Variants in SYNPO2 observed in about 807,000 individuals in gnomAD.
The protein encoded by SYNPO2 is synaptopodin-2.
A neutral mutation model predicts 85.0 loss-of-function variants in SYNPO2; 56 were observed. The ratio of observed to expected loss-of-function variants is 0.66; its 90% CI spans 0.53 to 0.82. The LOEUF (loss-of-function observed/expected upper bound fraction) is 0.82. SYNPO2 is among the 40% of genes least tolerant of loss of function. The probability of loss-of-function intolerance (pLI) is 0.00; values close to 1 mark genes in which losing one functional copy is unlikely to be tolerated. For missense variants in SYNPO2, 1,575 were observed against 1,534.2 expected, an observed-to-expected ratio of 1.03 and a Z score of -0.44; for synonymous variants, 602 against 591.1, an observed-to-expected ratio of 1.02 and a Z score of -0.27.
chr4:119,056,176 T>C (rs1035197084), intron 4 of SYNPO2, among the ~76,000 whole-genome samples: 5 of 152,190 alleles, frequency 3.3e-5, no homozygotes, highest in African/African-American at 1.2e-4. Flanking sequence ...TGTGAAGATG[T>C]AATGTGGATA....
intron 1 of SYNPO2, among the ~76,000 whole-genome samples, chr4:118,930,149 C>T (rs1011650449): frequency 6.6e-6 from 1 of 152,000 alleles, no homozygotes; most frequent in African/African-American, 2.4e-5. Flanking sequence ...TTATTATGTG[C>T]CAGGTATAAT....
At chr4:118,916,130 T>C (rs1234328166) in intron 1 of SYNPO2, among the ~76,000 whole-genome samples, 1 of 151,936 alleles carries the variant, frequency 6.6e-6, no homozygotes, top group African/African-American at 2.4e-5. Flanking sequence ...TAAGGTTTCT[T>C]TTGATGAATA....
intron 4 of SYNPO2, among the ~76,000 whole-genome samples, chr4:119,053,076 A>G (rs1229746917): frequency 1.3e-5 from 2 of 152,204 alleles, no homozygotes; most frequent in Non-Finnish European, 2.9e-5. Context: ...TTCAAACTCC[A>G]AAACAAAAGA....
At chr4:118,909,141 A>G (rs6534114) in intron 1 of SYNPO2, among the ~76,000 whole-genome samples, 125,905 of 152,098 alleles carry the variant, frequency 0.83, 52,301 homozygotes, top group Middle Eastern at 0.93. Flanking sequence ...ACCCTCGAAC[A>G]TCCTTGTGAC....
intron 1 of SYNPO2, among the ~76,000 whole-genome samples, chr4:119,021,245 T>C (rs1047303677): frequency 6.6e-6 from 1 of 152,210 alleles, no homozygotes; most frequent in African/African-American, 2.4e-5. Flanking sequence ...TTCAAGAGTA[T>C]CATTTAAAAT....
intron 1 of SYNPO2, among the ~76,000 whole-genome samples, chr4:118,971,751 G>C (rs1680932964): frequency 6.6e-6 from 1 of 152,214 alleles, no homozygotes; most frequent in Non-Finnish European, 1.5e-5. Flanking sequence ...TTTCAATGCA[G>C]TAACCATGGT....
intron 4 of SYNPO2, among the ~76,000 whole-genome samples, chr4:119,051,313 C>T (rs550941721): frequency 1.0e-4 from 15 of 143,754 alleles, no homozygotes; most frequent in East Asian, 6.3e-4. Context: ...CCTCAGCCTC[C>T]CGAGTAGCTG....
At chr4:118,963,971 C>T (rs552989694) in intron 1 of SYNPO2, among the ~76,000 whole-genome samples, 5 of 152,140 alleles carry the variant, frequency 3.3e-5, no homozygotes, top group Non-Finnish European at 5.9e-5. Context: ...AAATACTGGC[C>T]AGGTGATGCA....
At chr4:118,938,810 C>T (rs1238898039) in intron 1 of SYNPO2, among the ~76,000 whole-genome samples, 2 of 152,032 alleles carry the variant, frequency 1.3e-5, no homozygotes, top group Non-Finnish European at 2.9e-5. Context: ...CTGTTTTTTC[C>T]ATTGAGATTG....
At chr4:118,908,084 A>G (rs1732995819) in intron 1 of SYNPO2, among the ~76,000 whole-genome samples, 1 of 152,186 alleles carries the variant, frequency 6.6e-6, no homozygotes, top group Admixed American at 6.5e-5. Flanking sequence ...TAGTGTTGAG[A>G]TGAATACTTT....
chr4:118,921,810 T>C (rs1276159779), intron 1 of SYNPO2, among the ~76,000 whole-genome samples: 1 of 149,820 alleles, frequency 6.7e-6, no homozygotes, highest in Admixed American at 6.6e-5. Context: ...CACATACTCT[T>C]TTTTGACATC....
At chr4:118,955,936 C>T (rs1445612898) in intron 1 of SYNPO2, among the ~76,000 whole-genome samples, 2 of 151,994 alleles carry the variant, frequency 1.3e-5, no homozygotes, top group Non-Finnish European at 2.9e-5. Flanking sequence ...AAGATGAGGG[C>T]CTAGAATTTA....
At chr4:118,997,425 C>T (rs1055896658) in intron 1 of SYNPO2, among the ~76,000 whole-genome samples, 1 of 152,074 alleles carries the variant, frequency 6.6e-6, no homozygotes, top group African/African-American at 2.4e-5. Flanking sequence ...GGATACTATA[C>T]TCATGCTACC....
At chr4:118,989,597 G>T (rs1287261950) in intron 1 of SYNPO2, among the ~76,000 whole-genome samples, 3 of 152,176 alleles carry the variant, frequency 2.0e-5, no homozygotes, top group Non-Finnish European at 4.4e-5. Context: ...TCAGCTGCAA[G>T]TAAAAAAACA....
rs182002916 is a variant in SYNPO2 at position 118,939,099 on chromosome 4, G to A, written c.105+49958G>A. 1.5e-4 allele frequency among the ~76,000 whole-genome samples: 23 copies of A among 152,248 alleles called. No homozygotes were observed. In the East Asian group the frequency reaches 4.1e-3, roughly 27 times the overall value. On this transcript the variant is annotated intron_variant, in intron 1 of 4. Transcript: ENST00000307142. Reference sequence around the variant, plus strand: ...AAATATTTATGTGAAATGAGGCACCGAATTTAAAATAGTCCTAAAGAAGCT... The same window carrying A: ...AAATATTTATGTGAAATGAGGCACCAAATTTAAAATAGTCCTAAAGAAGCT...
chr4:118,871,571 A>ATTTTT (rs67838256), intron 1 of SYNPO2, among the ~76,000 whole-genome samples: 2 of 142,454 alleles, frequency 1.4e-5, no homozygotes, highest in African/African-American at 2.6e-5. Flanking sequence ...ATAAATAACA[A>ATTTTT]TTTTTTTTTT....
intron 1 of SYNPO2, among the ~76,000 whole-genome samples, chr4:118,945,609 A>G (rs1734471027): frequency 6.6e-6 from 1 of 152,220 alleles, no homozygotes; most frequent in Non-Finnish European, 1.5e-5. Context: ...TTTATTTTCC[A>G]AAGTTTCATA....
chr4:119,057,955 G>A lies in SYNPO2; in HGVS notation c.*21G>A. 6.3e-7 allele frequency: 1 copy of A among 1,583,284 alleles called. No homozygotes were observed. Among genetic ancestry groups the A allele is most frequent in the South Asian group, 1.2e-5 (1 of 86,264 alleles). On this transcript the variant is annotated 3_prime_UTR_variant, in exon 5 of 5. Coordinates refer to ENST00000307142, the MANE Select transcript of SYNPO2 (RefSeq NM_133477.3). ...CATGAAAGTTAGAAGAACGGATCAT[G>A]TGCCAACTGTAGTTTTTTAAAAAAA...
At chr4:119,035,743 A>G (rs1231281930) in intron 4 of SYNPO2, 3 of 983,420 alleles carry the variant, frequency 3.1e-6, no homozygotes, top group Admixed American at 6.3e-5. Flanking sequence ...TTCAAGAAGC[A>G]GGCATTGTAG....
Sources: gnomAD v4.1 joint callset for allele counts (sites outside exome capture counted in the v4.1 genomes callset) on GRCh38, gnomAD v4.1.1 for gene constraint, MANE v1.5 for transcripts, NCBI Gene and HGNC (gene_info 2026-07-23, HGNC 2026-07-21) for gene names.